The following XKR4 variants were observed in gnomAD, a reference collection of about 807,000 sequenced individuals.
XKR4 encodes XK-related protein 4.
Under a neutral mutation model 53.9 loss-of-function variants are expected in XKR4, and 12 were observed. The ratio of observed to expected loss-of-function variants is 0.22; its 90% CI spans 0.14 to 0.36. The LOEUF (loss-of-function observed/expected upper bound fraction) is 0.36. Among genes scored for constraint, XKR4 ranks in the 10% least tolerant of loss-of-function variants. The pLI, the probability that XKR4 is intolerant of heterozygous loss-of-function variation, is 1.00. For missense variants in XKR4, 799 were observed against 859.5 expected (o/e 0.93, Z 0.88); for synonymous variants, 354 against 362.4 (o/e 0.98, Z 0.26).
rs569787661 is a variant in XKR4 at position 55,527,623 on chromosome 8, C to T, written c.*3396C>T. Reference sequence around the variant, plus strand: ...CCAAAATGACTATGTCCTTTAAATCCTCTTTGCTTATTTACTTAACTACAT... The same window carrying T: ...CCAAAATGACTATGTCCTTTAAATCTTCTTTGCTTATTTACTTAACTACAT... On this transcript the variant is annotated 3_prime_UTR_variant, in exon 3 of 3. Coordinates refer to ENST00000327381, the MANE Select transcript of XKR4 (RefSeq NM_052898.2). 6.6e-6 allele frequency: 1 copy of T among 152,250 alleles called. No homozygotes were observed. The highest frequency in any genetic ancestry group is 2.1e-4 in the South Asian group (1 of 4,820). 9.4% of individuals were successfully genotyped at this position (152,250 alleles called of 1,614,324 possible).
At chr8:55,293,414 T>C (rs1444471906) in intron 1 of XKR4, among the ~76,000 whole-genome samples, 1 of 152,192 alleles carries the variant, frequency 6.6e-6, no homozygotes, top group Non-Finnish European at 1.5e-5. Flanking sequence ...AAATTATAAA[T>C]GTTCAGTTGT....
intron 2 of XKR4, among the ~76,000 whole-genome samples, chr8:55,374,345 T>C (rs142207085): frequency 6.5e-4 from 99 of 152,308 alleles, no homozygotes; most frequent in Non-Finnish European, 1.1e-3. Context: ...GAATAAGTGC[T>C]TAAGTGGTCC....
intron 2 of XKR4, chr8:55,449,510 C>T: frequency 1.4e-6 from 2 of 1,420,550 alleles, no homozygotes; most frequent in Non-Finnish European, 9.8e-7. Flanking sequence ...TCGGGAGGCT[C>T]AGGCGTCCGA....
At chr8:55,519,362 G>T (rs892507571) in intron 2 of XKR4, among the ~76,000 whole-genome samples, 1 of 152,054 alleles carries the variant, frequency 6.6e-6, no homozygotes, top group African/African-American at 2.4e-5. Context: ...TGAAGGAATC[G>T]TCATATTTTA....
At chr8:55,147,498 G>T (rs948411340) in intron 1 of XKR4, among the ~76,000 whole-genome samples, 1 of 152,202 alleles carries the variant, frequency 6.6e-6, no homozygotes, top group African/African-American at 2.4e-5. Context: ...ACTATTTTGT[G>T]CTGAAGCTCA....
At chr8:55,256,397 G>GAA (rs1425049692) in intron 1 of XKR4, among the ~76,000 whole-genome samples, 1 of 152,232 alleles carries the variant, frequency 6.6e-6, no homozygotes, top group African/African-American at 2.4e-5. Flanking sequence ...ATGAGACTGG[G>GAA]TTCTGGGAAA....
intron 2 of XKR4, among the ~76,000 whole-genome samples, chr8:55,396,081 A>C (rs28537907): frequency 3.1e-4 from 47 of 152,208 alleles, no homozygotes; most frequent in African/African-American, 1.1e-3. Context: ...CGTCCTGACC[A>C]CCTCCTAATA....
chr8:55,531,391 G>A lies in XKR4; in HGVS notation c.*7164G>A, dbSNP rs1441626069. 2.0e-5 allele frequency: 3 copies of A among 151,994 alleles called. No homozygotes were observed. The highest frequency in any genetic ancestry group is 1.3e-4 in the Admixed American group (2 of 15,248). The allele number at this position is 151,994 out of a possible 1,614,324, so 9.4% of individuals were successfully genotyped here. On this transcript the variant is annotated 3_prime_UTR_variant, in exon 3 of 3. Coordinates refer to ENST00000327381, the MANE Select transcript of XKR4 (RefSeq NM_052898.2). Reference sequence around the variant, plus strand: ...TATAGTATTATTGTCTTATGGGATCGCTGTCATATGTGCAGTCTATTATTG... The same window carrying A: ...TATAGTATTATTGTCTTATGGGATCACTGTCATATGTGCAGTCTATTATTG...
At chr8:55,375,035 G>A (rs1804127198) in intron 2 of XKR4, among the ~76,000 whole-genome samples, 1 of 152,272 alleles carries the variant, frequency 6.6e-6, no homozygotes, top group South Asian at 2.1e-4. Context: ...GCAATGGGTG[G>A]AGCTGCAACC....
At chr8:55,515,348 A>G (rs1806696472) in intron 2 of XKR4, among the ~76,000 whole-genome samples, 1 of 152,172 alleles carries the variant, frequency 6.6e-6, no homozygotes, top group South Asian at 2.1e-4. Flanking sequence ...AGCTTGTATT[A>G]CCTTCCTTCC....
At chr8:55,412,344 T>G (rs1804788994) in intron 2 of XKR4, among the ~76,000 whole-genome samples, 1 of 152,236 alleles carries the variant, frequency 6.6e-6, no homozygotes, top group Admixed American at 6.5e-5. Context: ...AAGTTGTGAT[T>G]CTATTAGCCA....
intron 2 of XKR4, among the ~76,000 whole-genome samples, chr8:55,422,916 G>C (rs1302351727): frequency 6.6e-6 from 1 of 152,192 alleles, no homozygotes; most frequent in African/African-American, 2.4e-5. Flanking sequence ...GCCTGTCTCT[G>C]TGACATCAAT....
In XKR4 at chr8:55,349,291, G is replaced by T. The variant is rs573459811; in HGVS notation, c.807-8387G>T. Among the ~76,000 whole-genome samples the T allele has an allele frequency of 2.2e-4, 34 of 152,296 alleles. No homozygotes were observed. In the South Asian group the frequency reaches 3.3e-3, roughly 15 times the overall value. ...GCACCTATTGTCTCTCAGCAAAAAA[G>T]TACGTAGAAGACTGGGAAATGCAGT... On this transcript the variant is annotated intron_variant, in intron 1 of 2. Coordinates refer to ENST00000327381, the MANE Select transcript of XKR4 (RefSeq NM_052898.2).
At chr8:55,157,073 A>G (rs1426810565) in intron 1 of XKR4, among the ~76,000 whole-genome samples, 2 of 152,238 alleles carry the variant, frequency 1.3e-5, no homozygotes, top group African/African-American at 4.8e-5. Context: ...AAGCTTCTAT[A>G]ACAACTTTCC....
chr8:55,247,039 T>G (rs752181450), intron 1 of XKR4, among the ~76,000 whole-genome samples: 1 of 152,234 alleles, frequency 6.6e-6, no homozygotes, highest in Non-Finnish European at 1.5e-5. Flanking sequence ...ACAAGTGTAC[T>G]CCCTTAGGAA....
intron 2 of XKR4, among the ~76,000 whole-genome samples, chr8:55,412,709 T>C (rs987685412): frequency 4.6e-5 from 7 of 152,224 alleles, no homozygotes; most frequent in African/African-American, 1.4e-4. Context: ...GAATTTCAGC[T>C]CTGGCAGCAT....
At chr8:55,103,769 G>T (rs1349815741) in intron 1 of XKR4, among the ~76,000 whole-genome samples, 4 of 149,618 alleles carry the variant, frequency 2.7e-5, no homozygotes, top group African/African-American at 9.8e-5. Context: ...AGTTGCTGCT[G>T]CTCAAAAGTA....
intron 1 of XKR4, among the ~76,000 whole-genome samples, chr8:55,161,205 T>C (rs926011489): frequency 1.3e-5 from 2 of 152,178 alleles, no homozygotes; most frequent in Non-Finnish European, 2.9e-5. Context: ...GCAGCAGCCA[T>C]CTTTCTACAC....
intron 2 of XKR4, among the ~76,000 whole-genome samples, chr8:55,384,041 G>A (rs1359644672): frequency 6.6e-6 from 1 of 152,202 alleles, no homozygotes; most frequent in African/African-American, 2.4e-5. Flanking sequence ...GTTGTCCTAG[G>A]TATCGTCGCA....
Sources: allele counts gnomAD v4.1 joint callset (sites outside exome capture counted in the v4.1 genomes callset), GRCh38; gene constraint gnomAD v4.1.1; transcripts MANE v1.5; gene names NCBI Gene and HGNC (gene_info 2026-07-23, HGNC 2026-07-21).